SGIP1: variants seen among roughly 807,000 people sequenced by gnomAD.
SGIP1 encodes SH3GL interacting endocytic adaptor 1.
SGIP1 carries 38 observed loss-of-function variants against 107.5 expected under a neutral mutation model. That is an observed-to-expected ratio of 0.35 (90% CI 0.27 to 0.46). The LOEUF is 0.46. Among genes scored for constraint, SGIP1 ranks in the 20% least tolerant of loss-of-function variants. The probability of loss-of-function intolerance (pLI) is 1.00; values close to 1 mark genes in which losing one functional copy is unlikely to be tolerated. For missense variants in SGIP1, 929 were observed against 1,019.5 expected, an observed-to-expected ratio of 0.91 and a Z score of 1.21; for synonymous variants, 365 against 366.1, an observed-to-expected ratio of 1.00 and a Z score of 0.03.
At chr1:66,680,737 C>T (rs947090721) in intron 14 of SGIP1, among the ~76,000 whole-genome samples, 7 of 152,160 alleles carry the variant, frequency 4.6e-5, no homozygotes, top group Admixed American at 1.3e-4. Context: ...CAAAATGCTT[C>T]CCCATTTATC....
intron 1 of SGIP1, among the ~76,000 whole-genome samples, chr1:66,574,417 G>T (rs1321396488): frequency 6.6e-6 from 1 of 151,960 alleles, no homozygotes; most frequent in Middle Eastern, 3.2e-3. Flanking sequence ...TCCCTTATTG[G>T]TGCTTATCTC....
At chr1:66,591,728 G>A (rs1057160695) in intron 1 of SGIP1, among the ~76,000 whole-genome samples, 4 of 152,192 alleles carry the variant, frequency 2.6e-5, no homozygotes, top group Non-Finnish European at 4.4e-5. Flanking sequence ...ACTGGTCTCT[G>A]AGTTCCCTCA....
intron 13 of SGIP1, among the ~76,000 whole-genome samples, chr1:66,678,843 T>C (rs1014367272): frequency 3.9e-5 from 6 of 152,188 alleles, no homozygotes; most frequent in African/African-American, 1.4e-4. Flanking sequence ...TTATGAGAGA[T>C]TGGACGGCAT....
At chr1:66,559,006 A>G (rs2058567167) in intron 1 of SGIP1, among the ~76,000 whole-genome samples, 1 of 151,928 alleles carries the variant, frequency 6.6e-6, no homozygotes, top group Non-Finnish European at 1.5e-5. Flanking sequence ...TCATCTGGGG[A>G]TGAGGGAAAG....
Position 66,665,558 on chromosome 1 carries a change from C to T in SGIP1, c.472-1972C>T, listed in dbSNP as rs182783881. Among the ~76,000 whole-genome samples, 207 of 152,320 alleles carry T rather than the reference C, an allele frequency of 1.4e-3. 1 individual carries two copies. The highest frequency in any genetic ancestry group is 4.9e-3 in the African/African-American group (204 of 41,580). ...TGAGGAATCGCCACACTGCCTTCCA[C>T]AATGGTTGAACTCATTTACACTCCC... On this transcript the variant is annotated intron_variant, in intron 8 of 24. Transcript: ENST00000371037.
At chr1:66,723,308 A>ACTAT (rs969495640) in intron 19 of SGIP1, among the ~76,000 whole-genome samples, 26 of 152,210 alleles carry the variant, frequency 1.7e-4, no homozygotes, top group African/African-American at 6.0e-4. Flanking sequence ...ACAGAAATCT[A>ACTAT]CTATCTTAAT....
intron 19 of SGIP1, among the ~76,000 whole-genome samples, chr1:66,728,197 A>G (rs1476457979): frequency 1.3e-5 from 2 of 152,196 alleles, no homozygotes; most frequent in African/African-American, 4.8e-5. Flanking sequence ...AGTACATAAA[A>G]CAACATGCTA....
intron 1 of SGIP1, among the ~76,000 whole-genome samples, chr1:66,614,917 T>A (rs962340250): frequency 2.7e-5 from 4 of 145,936 alleles, no homozygotes; most frequent in Non-Finnish European, 5.9e-5. Context: ...GCTCCCGGGT[T>A]CAAGTGATTC....
At chr1:66,568,640 A>T (rs541265590) in intron 1 of SGIP1, among the ~76,000 whole-genome samples, 37 of 152,130 alleles carry the variant, frequency 2.4e-4, no homozygotes, top group African/African-American at 8.7e-4. Context: ...TTTGTCATAA[A>T]TAGCTCTTAT....
chr1:66,571,742 G>A (rs911535163), intron 1 of SGIP1, among the ~76,000 whole-genome samples: 1 of 151,902 alleles, frequency 6.6e-6, no homozygotes, highest in African/African-American at 2.4e-5. Flanking sequence ...CCCCAAACTA[G>A]TTTTTGACCT....
At chr1:66,655,127 CTGA>C (rs1048344234) in intron 7 of SGIP1, among the ~76,000 whole-genome samples, 5 of 152,082 alleles carry the variant, frequency 3.3e-5, no homozygotes, top group African/African-American at 1.2e-4. Context: ...CTCAGAACTC[CTGA>C]TAAGTAACAG....
At chr1:66,586,286 C>A (rs946706765) in intron 1 of SGIP1, among the ~76,000 whole-genome samples, 9 of 152,062 alleles carry the variant, frequency 5.9e-5, no homozygotes, top group African/African-American at 1.9e-4. Context: ...TTTAAATCCC[C>A]TTGACCAATC....
At chr1:66,606,191 CAGTT>C (rs1190943744) in intron 1 of SGIP1, among the ~76,000 whole-genome samples, 2 of 152,174 alleles carry the variant, frequency 1.3e-5, no homozygotes, top group South Asian at 2.1e-4. Context: ...TTACATGAGT[CAGTT>C]AATCTCTCAG....
chr1:66,685,757 A>T (rs1367053352), intron 15 of SGIP1, among the ~76,000 whole-genome samples: 1 of 152,202 alleles, frequency 6.6e-6, no homozygotes, highest in East Asian at 1.9e-4. Context: ...TAATATAAAA[A>T]GTTCATTCTT....
chr1:66,708,580 C>T (rs1260272071), intron 18 of SGIP1, among the ~76,000 whole-genome samples: 1 of 152,092 alleles, frequency 6.6e-6, no homozygotes, highest in African/African-American at 2.4e-5. Context: ...TGTGTTCTGA[C>T]TTGGATAATA....
chr1:66,742,555 C>T (rs2094489378), intron 24 of SGIP1, among the ~76,000 whole-genome samples: 2 of 139,802 alleles, frequency 1.4e-5, no homozygotes, highest in African/African-American at 2.8e-5. Flanking sequence ...CTGCAAGCTC[C>T]GCCTCTTGGG....
chr1:66,736,652 G>C (rs1304422135), intron 21 of SGIP1, among the ~76,000 whole-genome samples: 1 of 149,660 alleles, frequency 6.7e-6, no homozygotes, highest in East Asian at 1.9e-4. Context: ...CGTATTATAT[G>C]TAAATATAGG....
At chr1:66,626,499 G>A (rs888029168) in intron 2 of SGIP1, among the ~76,000 whole-genome samples, 1 of 152,182 alleles carries the variant, frequency 6.6e-6, no homozygotes, top group Admixed American at 6.5e-5. Flanking sequence ...ATATCCAAGA[G>A]AATTAATTGC....
At chr1:66,729,571 G>GCT (rs2093914186) in intron 20 of SGIP1, 152 bp downstream of exon 20, 1 of 1,094,540 alleles carries the variant, frequency 9.1e-7, no homozygotes, top group African/African-American at 1.6e-5. Context: ...ACTTTTACCA[G>GCT]CTATCAAAAT....
Sources: gnomAD v4.1 joint callset for allele counts (sites outside exome capture counted in the v4.1 genomes callset) on GRCh38, gnomAD v4.1.1 for gene constraint, MANE v1.5 for transcripts, NCBI Gene and HGNC (gene_info 2026-07-23, HGNC 2026-07-21) for gene names.